The following BNC2 variants were observed in gnomAD, a reference collection of about 807,000 sequenced individuals.
BNC2 encodes zinc finger protein basonuclin-2.
In BNC2, 20 loss-of-function variants were observed where a neutral mutation model predicts 76.3. The ratio of observed to expected loss-of-function variants is 0.26; its 90% CI spans 0.18 to 0.38. The LOEUF is 0.38. BNC2 is among the 10% of genes least tolerant of loss of function. The probability of loss-of-function intolerance (pLI) is 1.00; values close to 1 mark genes in which losing one functional copy is unlikely to be tolerated. For missense variants in BNC2, 1,382 were observed against 1,399.8 expected, an observed-to-expected ratio of 0.99 and a Z score of 0.20; for synonymous variants, 582 against 514.8, an observed-to-expected ratio of 1.13 and a Z score of -1.77.
intron 3 of BNC2, among the ~76,000 whole-genome samples, chr9:16,618,815 A>C (rs898897889): frequency 3.4e-4 from 51 of 152,160 alleles, no homozygotes; most frequent in African/African-American, 1.2e-3. Context: ...GTGGTTTCAT[A>C]AAGGTGGAGG....
At chr9:16,778,165 G>A (rs188022163) in intron 1 of BNC2, among the ~76,000 whole-genome samples, 19 of 152,164 alleles carry the variant, frequency 1.2e-4, no homozygotes, top group African/African-American at 4.3e-4. Flanking sequence ...CTCTCATAAT[G>A]AGGAAACTGT....
At chr9:16,539,282 G>A (rs1409993056) in intron 5 of BNC2, among the ~76,000 whole-genome samples, 1 of 152,044 alleles carries the variant, frequency 6.6e-6, no homozygotes, top group Non-Finnish European at 1.5e-5. Context: ...CACTTTGGCA[G>A]GCCAAGGTGG....
rs1409739538 is a variant in BNC2 at position 16,745,328 on chromosome 9, TTTAA to T, written c.4-6847_4-6844del. ...GTGAGTGTGTATGAGTGTGCATATG[TTTAA>T]TTAATGACCAACATGTAAAACACAA... On this transcript the variant is annotated intron_variant, in intron 1 of 6. Coordinates refer to ENST00000380672, the MANE Select transcript of BNC2 (RefSeq NM_017637.6). Among the ~76,000 whole-genome samples the T allele has an allele frequency of 7.2e-5, 11 of 152,328 alleles. No homozygotes were observed. In the East Asian group the frequency reaches 1.2e-3, roughly 16 times the overall value.
intron 5 of BNC2, among the ~76,000 whole-genome samples, chr9:16,443,708 A>G (rs1821175601): frequency 6.6e-6 from 1 of 152,210 alleles, no homozygotes; most frequent in African/African-American, 2.4e-5. Context: ...CGACTCTTCA[A>G]AAGCATTATG....
At chr9:16,583,606 T>G (rs1033925050) in intron 3 of BNC2, among the ~76,000 whole-genome samples, 2 of 152,176 alleles carry the variant, frequency 1.3e-5, no homozygotes, top group Admixed American at 6.5e-5. Context: ...TTAAAGACAC[T>G]CCTGTGCTCA....
At chr9:16,614,274 T>C (rs10738441) in intron 3 of BNC2, among the ~76,000 whole-genome samples, 132,605 of 152,110 alleles carry the variant, frequency 0.87, 58,948 homozygotes, top group East Asian at 0.98. Flanking sequence ...CTTTCTATAA[T>C]ATTACTGTCA....
intron 5 of BNC2, among the ~76,000 whole-genome samples, chr9:16,498,576 G>T (rs1327400466): frequency 6.6e-6 from 1 of 151,532 alleles, no homozygotes; most frequent in African/African-American, 2.4e-5. Flanking sequence ...GTATACGGCT[G>T]ATGGGTGCAC....
chr9:16,734,061 A>G (rs891288369), intron 2 of BNC2, among the ~76,000 whole-genome samples: 24 of 152,176 alleles, frequency 1.6e-4, no homozygotes, highest in African/African-American at 5.8e-4. Flanking sequence ...TACTAGTTGG[A>G]TCCCTGTATT....
At chr9:16,492,396 T>C (rs188539492) in intron 5 of BNC2, among the ~76,000 whole-genome samples, 82 of 152,350 alleles carry the variant, frequency 5.4e-4, no homozygotes, top group African/African-American at 1.8e-3. Context: ...AAAATGCACA[T>C]TTCTATATTT....
At chr9:16,477,903 C>A (rs751145910) in intron 5 of BNC2, among the ~76,000 whole-genome samples, 1 of 152,060 alleles carries the variant, frequency 6.6e-6, no homozygotes, top group Non-Finnish European at 1.5e-5. Context: ...GGGTACCTGG[C>A]CCCCAATTTG....
chr9:16,521,525 T>G (rs899992650), intron 5 of BNC2, among the ~76,000 whole-genome samples: 3 of 152,174 alleles, frequency 2.0e-5, no homozygotes, highest in African/African-American at 7.2e-5. Context: ...AAAATATAAT[T>G]TGCGCACATA....
intron 3 of BNC2, among the ~76,000 whole-genome samples, chr9:16,661,812 C>G (rs1822118802): frequency 6.6e-6 from 1 of 152,076 alleles, no homozygotes; most frequent in African/African-American, 2.4e-5. Flanking sequence ...TTGTAAATGT[C>G]TACTACAGAG....
chr9:16,857,756 A>C (rs1819300390), intron 1 of BNC2, among the ~76,000 whole-genome samples: 1 of 152,248 alleles, frequency 6.6e-6, no homozygotes, highest in African/African-American at 2.4e-5. Flanking sequence ...GAAACAGACA[A>C]TGCAGTGAAG....
At chr9:16,504,415 G>A (rs2131826348) in intron 5 of BNC2, among the ~76,000 whole-genome samples, 1 of 151,928 alleles carries the variant, frequency 6.6e-6, no homozygotes, top group African/African-American at 2.4e-5. Flanking sequence ...TATTCCAAAT[G>A]ATACAAGATG....
intron 3 of BNC2, among the ~76,000 whole-genome samples, chr9:16,693,127 CAAAAAAAAA>C (rs34223075): frequency 5.0e-5 from 3 of 60,472 alleles, no homozygotes; most frequent in Admixed American, 2.4e-4. Flanking sequence ...AAGACAGTCT[CAAAAAAAAA>C]AAAAAAAAAA....
At chr9:16,811,237 A>AAAAAAAAAAAAAAAACC (rs796981394) in intron 1 of BNC2, among the ~76,000 whole-genome samples, 10 of 145,338 alleles carry the variant, frequency 6.9e-5, no homozygotes, top group African/African-American at 2.4e-4. Flanking sequence ...GACCAAAAAA[A>AAAAAAAAAAAAAAAACC]AAAAAAACCA....
chr9:16,783,770 T>C (rs1358005807), intron 1 of BNC2, among the ~76,000 whole-genome samples: 1 of 152,204 alleles, frequency 6.6e-6, no homozygotes, highest in Non-Finnish European at 1.5e-5. Context: ...ATATTTTTTC[T>C]TAAGTAATTT....
At chr9:16,721,922 G>A (rs1288352720) in intron 3 of BNC2, among the ~76,000 whole-genome samples, 1 of 151,988 alleles carries the variant, frequency 6.6e-6, no homozygotes, top group Non-Finnish European at 1.5e-5. Flanking sequence ...TGATATATGT[G>A]CTAATCTAGA....
chr9:16,803,540 G>A (rs1372353592), intron 1 of BNC2, among the ~76,000 whole-genome samples: 1 of 152,176 alleles, frequency 6.6e-6, no homozygotes, highest in African/African-American at 2.4e-5. Flanking sequence ...ACGGTAATGG[G>A]GAATTTGCAA....
Sources: allele counts gnomAD v4.1 joint callset (sites outside exome capture counted in the v4.1 genomes callset), GRCh38; gene constraint gnomAD v4.1.1; transcripts MANE v1.5; gene names NCBI Gene and HGNC (gene_info 2026-07-23, HGNC 2026-07-21).